The following RBFOX2 variants were observed in gnomAD, a reference collection of about 807,000 sequenced individuals.
RBFOX2 encodes RNA binding protein fox-1 homolog 2.
RBFOX2 carries 10 observed loss-of-function variants against 49.1 expected under a neutral mutation model. The observed-to-expected ratio is 0.20, with a 90% CI of 0.13 to 0.35. RBFOX2 has a LOEUF of 0.35. Among genes scored for constraint, RBFOX2 ranks in the 10% least tolerant of loss-of-function variants. The pLI is 1.00. For missense variants in RBFOX2, 323 were observed against 486.9 expected (o/e 0.66, Z 3.17); for synonymous variants, 183 against 187.4 (o/e 0.98, Z 0.19).
intron 1 of RBFOX2, among the ~76,000 whole-genome samples, chr22:36,024,597 G>T (rs377007265): frequency 6.6e-6 from 1 of 151,454 alleles, no homozygotes; most frequent in Non-Finnish European, 1.5e-5. Flanking sequence ...AAAAATTAGC[G>T]GGGTGTGGTG....
rs1222663792 is a variant in RBFOX2 at position 35,923,812 on chromosome 22, G to A, written c.-34+15035C>T. On this transcript the variant is annotated intron_variant, in intron 1 of 13. Coordinates refer to the RBFOX2 transcript ENST00000359369. ...CATTACAGGTATTACAGCAATACCT[G>A]TAAACTATACAGGACTATAGATACA... 2.0e-5 allele frequency among the ~76,000 whole-genome samples: 3 copies of A among 151,848 alleles called. No individual in the cohort carries two copies. The East Asian group carries it at 5.8e-4, about 29-fold the overall frequency.
intron 1 of RBFOX2, among the ~76,000 whole-genome samples, chr22:35,954,837 A>T (rs1414451863): frequency 1.3e-5 from 2 of 152,158 alleles, no homozygotes; most frequent in Admixed American, 1.3e-4. Context: ...ATGTAATAAA[A>T]TGTAAATGTA....
At chr22:35,954,228 T>C (rs780943694) in intron 1 of RBFOX2, among the ~76,000 whole-genome samples, 2 of 152,184 alleles carry the variant, frequency 1.3e-5, no homozygotes, top group Non-Finnish European at 2.9e-5. Flanking sequence ...GAACATGTAT[T>C]ATTTGTACTT....
chr22:35,889,964 T>C (rs1198506693), intron 1 of RBFOX2, among the ~76,000 whole-genome samples: 1 of 152,138 alleles, frequency 6.6e-6, no homozygotes, highest in Non-Finnish European at 1.5e-5. Flanking sequence ...TTAGGAAACA[T>C]GCTCAGAAAG....
chr22:35,983,096 G>C (rs977937349), intron 1 of RBFOX2, among the ~76,000 whole-genome samples: 1 of 152,180 alleles, frequency 6.6e-6, no homozygotes, highest in Non-Finnish European at 1.5e-5. Flanking sequence ...AGGGCTGCTG[G>C]CAAGATAAGC....
intron 1 of RBFOX2, among the ~76,000 whole-genome samples, chr22:35,926,282 T>C (rs1053247341): frequency 2.6e-5 from 4 of 152,246 alleles, no homozygotes; most frequent in Admixed American, 1.3e-4. Flanking sequence ...ACAGCAAGAA[T>C]ATCCCTACTA....
chr22:35,815,553 A>G (rs1010184082), intron 1 of RBFOX2, among the ~76,000 whole-genome samples: 1 of 152,150 alleles, frequency 6.6e-6, no homozygotes, highest in Non-Finnish European at 1.5e-5. Flanking sequence ...ATAAACTGCT[A>G]TTGTATTGCT....
exon 12 of RBFOX2, chr22:35,741,796 G>C (rs529359407): frequency 6.6e-6 from 1 of 152,620 alleles, no homozygotes. Context: ...TGTGGGAGCC[G>C]CCTTCTCTAC....
At chr22:35,752,524 T>G in intron 9 of RBFOX2, 1 of 761,714 alleles carries the variant, frequency 1.3e-6, no homozygotes, top group Non-Finnish European at 1.6e-6. Context: ...TTCCCATCTC[T>G]AACGTGGAGC....
intron 1 of RBFOX2, among the ~76,000 whole-genome samples, chr22:35,956,682 G>A (rs187171716): frequency 5.3e-5 from 8 of 152,116 alleles, no homozygotes; most frequent in South Asian, 2.1e-4. Flanking sequence ...TTAATAAAAC[G>A]TCCGAATACC....
chr22:35,824,105 C>T (rs567804645), intron 1 of RBFOX2, among the ~76,000 whole-genome samples: 7 of 151,754 alleles, frequency 4.6e-5, no homozygotes, highest in Non-Finnish European at 7.4e-5. Flanking sequence ...GCCGAGATCG[C>T]GCTATTGCAC....
intron 1 of RBFOX2, among the ~76,000 whole-genome samples, chr22:35,991,947 C>T (rs1279912572): frequency 6.6e-6 from 1 of 152,152 alleles, no homozygotes; most frequent in Non-Finnish European, 1.5e-5. Context: ...TGGCTAAGTG[C>T]TTTACTTGCA....
At chr22:35,786,630 G>A (rs893877519) in intron 2 of RBFOX2, among the ~76,000 whole-genome samples, 2 of 152,182 alleles carry the variant, frequency 1.3e-5, no homozygotes, top group East Asian at 3.9e-4. Context: ...TTACAGGCGT[G>A]AGCCACAGCG....
intron 1 of RBFOX2, among the ~76,000 whole-genome samples, chr22:35,958,148 T>C (rs1010603514): frequency 1.2e-4 from 19 of 152,224 alleles, no homozygotes; most frequent in Non-Finnish European, 2.1e-4. Flanking sequence ...TTTTAATTGA[T>C]AGACATTATT....
intron 1 of RBFOX2, among the ~76,000 whole-genome samples, chr22:35,930,356 T>C (rs2052244313): frequency 6.6e-6 from 1 of 152,062 alleles, no homozygotes. Context: ...AAATACATAT[T>C]TATATTTATT....
chr22:35,987,889 A>G (rs2057790403), intron 1 of RBFOX2, among the ~76,000 whole-genome samples: 1 of 152,218 alleles, frequency 6.6e-6, no homozygotes, highest in Non-Finnish European at 1.5e-5. Flanking sequence ...TCAAAGAACA[A>G]TAAAGCCACT....
intron 1 of RBFOX2, among the ~76,000 whole-genome samples, chr22:35,815,964 G>A (rs1952940142): frequency 6.6e-6 from 1 of 152,124 alleles, no homozygotes; most frequent in South Asian, 2.1e-4. Flanking sequence ...AAAAGCAGTG[G>A]CTTCTGCCCA....
chr22:35,744,303 A>G (rs1931416122), intron 11 of RBFOX2, 54 bp from the exon 14 acceptor site: 2 of 1,504,836 alleles, frequency 1.3e-6, no homozygotes, highest in Non-Finnish European at 1.8e-6. Flanking sequence ...AGAAGCATTA[A>G]CAGTGAAGAA....
chr22:36,018,311 C>T (rs79398316), intron 1 of RBFOX2, among the ~76,000 whole-genome samples: 3,120 of 152,250 alleles, frequency 0.02, 50 homozygotes, highest in Non-Finnish European at 0.034. Context: ...TCACAAAAGG[C>T]ATCCAGGAGG....
Sources: allele counts gnomAD v4.1 joint callset (sites outside exome capture counted in the v4.1 genomes callset), GRCh38; gene constraint gnomAD v4.1.1; transcripts MANE v1.5; gene names NCBI Gene and HGNC (gene_info 2026-07-23, HGNC 2026-07-21).